The following MALRD1 variants were observed in gnomAD, a reference collection of about 807,000 sequenced individuals.
The protein encoded by MALRD1 is MAM and LDL-receptor class A domain-containing protein 1.
Under a neutral mutation model 242.1 loss-of-function variants are expected in MALRD1, and 247 were observed. That is an observed-to-expected ratio of 1.02 (90% CI 0.92 to 1.13). The LOEUF (loss-of-function observed/expected upper bound fraction) is 1.13. Ranked by LOEUF, MALRD1 falls within the 50% of genes most tolerant of loss-of-function variation. MALRD1 has a pLI of 0.00. For missense variants in MALRD1, 2,989 were observed against 2,533.1 expected (o/e 1.18, Z -3.86); for synonymous variants, 995 against 866.6 (o/e 1.15, Z -2.60).
At chr10:19,623,814 T>A (rs1423326819) in intron 36 of MALRD1, among the ~76,000 whole-genome samples, 1 of 151,626 alleles carries the variant, frequency 6.6e-6, no homozygotes, top group African/African-American at 2.4e-5. Flanking sequence ...AGTCTACTGA[T>A]TAAAATGCTA....
intron 1 of MALRD1, among the ~76,000 whole-genome samples, chr10:19,057,423 G>C (rs1263140918): frequency 6.6e-6 from 1 of 152,130 alleles, no homozygotes; most frequent in Non-Finnish European, 1.5e-5. Flanking sequence ...TGAGAGGGCA[G>C]TCATCCAGTC....
rs1833214815 is a variant in MALRD1, at chr10:19,133,847, A to G, written c.1111-9A>G. ...GGTAATGAGTGATGTCTTTCTCTTC[A>G]AATCAAAGGAAGAAGAAATATTTTG... On this transcript the variant is annotated splice_polypyrimidine_tract_variant and intron_variant, in intron 8 of 39. Transcript: ENST00000454679. The G allele has an allele frequency of 6.6e-6, 8 of 1,207,582 alleles. No homozygotes were observed. The highest frequency in any genetic ancestry group is 8.3e-6 in the Non-Finnish European group (8 of 966,124). The allele number at this position is 1,207,582 out of a possible 1,614,324, so 74.8% of individuals were successfully genotyped here.
chr10:19,423,731 C>A lies in MALRD1; in HGVS notation c.4846-26576C>A, dbSNP rs1274899453. On this transcript the variant is annotated intron_variant, in intron 28 of 39. Coordinates refer to ENST00000454679, the MANE Select transcript of MALRD1 (RefSeq NM_001142308.3). Reference sequence around the variant, plus strand: ...TAGGAGGGAGGTCATGTGTTCCTTCCCTAAAACTGAAAAGAGACGTGTAAA... The same window carrying A: ...TAGGAGGGAGGTCATGTGTTCCTTCACTAAAACTGAAAAGAGACGTGTAAA... Among the ~76,000 whole-genome samples the A allele has an allele frequency of 2.0e-5, 3 of 152,132 alleles. No individual in the cohort carries two copies. In the East Asian group the frequency reaches 5.8e-4, roughly 29 times the overall value.
chr10:19,181,570 T>C (rs1835506049), intron 14 of MALRD1, among the ~76,000 whole-genome samples: 1 of 152,128 alleles, frequency 6.6e-6, no homozygotes. Context: ...AATGGAGATA[T>C]GTAGATCGGA....
At chr10:19,710,590 AT>A (rs978964687) in intron 38 of MALRD1, 3 of 152,194 alleles carry the variant, frequency 2.0e-5, no homozygotes, top group African/African-American at 4.8e-5. Flanking sequence ...TTCTAAATCC[AT>A]TTTCACTGGA....
intron 28 of MALRD1, among the ~76,000 whole-genome samples, chr10:19,419,414 C>A (rs536069195): frequency 1.3e-5 from 2 of 152,184 alleles, no homozygotes; most frequent in Non-Finnish European, 2.9e-5. Flanking sequence ...CCTGTATCAG[C>A]CCCCTGAGTA....
At chr10:19,462,340 C>T (rs1175955309) in intron 29 of MALRD1, among the ~76,000 whole-genome samples, 1 of 152,150 alleles carries the variant, frequency 6.6e-6, no homozygotes, top group Non-Finnish European at 1.5e-5. Context: ...CCACCATGCC[C>T]CCGAGTTTAC....
intron 26 of MALRD1, among the ~76,000 whole-genome samples, chr10:19,354,104 C>A (rs1844518728): frequency 6.6e-6 from 1 of 151,770 alleles, no homozygotes; most frequent in Non-Finnish European, 1.5e-5. Flanking sequence ...ACTAAAGGAA[C>A]AAACCAATCT....
chr10:19,093,874 C>T (rs1304715503), intron 4 of MALRD1, among the ~76,000 whole-genome samples: 16 of 93,656 alleles, frequency 1.7e-4, no homozygotes, highest in East Asian at 6.7e-4. Flanking sequence ...TGTGCCCCTG[C>T]TGGGGGGGTG....
At chr10:19,592,373 T>C (rs547203902) in intron 33 of MALRD1, among the ~76,000 whole-genome samples, 1 of 152,206 alleles carries the variant, frequency 6.6e-6, no homozygotes, top group East Asian at 1.9e-4. Context: ...CATTGAGGCA[T>C]AGGGCCTGGG....
In MALRD1 at chr10:19,315,121, A is replaced by G. The variant is rs557541066; in HGVS notation, c.3420-8828A>G. 3.4e-3 allele frequency among the ~76,000 whole-genome samples: 469 copies of G among 139,752 alleles called. 5 individuals are homozygous for G. The highest frequency in any genetic ancestry group is 7.1e-3 in the Admixed American group (96 of 13,496). The allele number at this position is 139,752 out of a possible 152,430, so 91.7% of individuals were successfully genotyped here. The stretch of plus-strand genomic sequence containing the variant: ...ATATAATTTATAGAAATATGTAAAT[A>G]TAATTTATAGAAATATGTAAATATA... On this transcript the variant is annotated intron_variant, in intron 21 of 39. Coordinates refer to ENST00000454679, the MANE Select transcript of MALRD1 (RefSeq NM_001142308.3).
intron 29 of MALRD1, chr10:19,491,220 G>C (rs1837479391): frequency 4.9e-6 from 3 of 607,190 alleles, no homozygotes; most frequent in Non-Finnish European, 8.7e-6. Context: ...CCCTTTACCA[G>C]GTTCCAGGTA....
intron 21 of MALRD1, among the ~76,000 whole-genome samples, chr10:19,283,829 G>A (rs1840951312): frequency 6.6e-6 from 1 of 152,168 alleles, no homozygotes; most frequent in Non-Finnish European, 1.5e-5. Flanking sequence ...ATATTATAAA[G>A]TTGCTTCAAA....
chr10:19,730,034 G>T (rs1194157631), intron 38 of MALRD1, among the ~76,000 whole-genome samples: 1 of 152,116 alleles, frequency 6.6e-6, no homozygotes, highest in East Asian at 1.9e-4. Context: ...ACCACGCCCG[G>T]CCTATAAGTC....
At chr10:19,138,507 A>G (rs1354575364) in intron 10 of MALRD1, among the ~76,000 whole-genome samples, 1 of 145,218 alleles carries the variant, frequency 6.9e-6, no homozygotes, top group African/African-American at 2.6e-5. Flanking sequence ...TACAACCTCC[A>G]CTTCCCGGGT....
chr10:19,707,691 G>A (rs1044231536), intron 38 of MALRD1, among the ~76,000 whole-genome samples: 1 of 142,252 alleles, frequency 7.0e-6, no homozygotes, highest in African/African-American at 2.5e-5. Context: ...GCTCATGCCT[G>A]TAATCCCAGT....
chr10:19,056,649 T>C (rs1007414286), intron 1 of MALRD1, among the ~76,000 whole-genome samples: 4 of 152,176 alleles, frequency 2.6e-5, no homozygotes, highest in Non-Finnish European at 5.9e-5. Flanking sequence ...TTTTACTTCT[T>C]TCTTTCTGAC....
chr10:19,113,204 A>G (rs999565993), intron 5 of MALRD1, among the ~76,000 whole-genome samples: 6 of 152,020 alleles, frequency 3.9e-5, no homozygotes, highest in Non-Finnish European at 8.8e-5. Context: ...TCATAAATCC[A>G]TCAATAAGTC....
intron 18 of MALRD1, among the ~76,000 whole-genome samples, chr10:19,242,577 C>T (rs980882192): frequency 5.9e-5 from 9 of 151,958 alleles, no homozygotes; most frequent in Non-Finnish European, 1.0e-4. Context: ...CTAATATTTG[C>T]TTTATATATC....
Sources: allele counts gnomAD v4.1 joint callset (sites outside exome capture counted in the v4.1 genomes callset), GRCh38; gene constraint gnomAD v4.1.1; transcripts MANE v1.5; gene names NCBI Gene and HGNC (gene_info 2026-07-23, HGNC 2026-07-21).